Variants in MINDY2 observed in about 807,000 individuals in gnomAD.
The protein encoded by MINDY2 is MINDY lysine 48 deubiquitinase 2.
MINDY2 carries 52 observed loss-of-function variants against 68.2 expected under a neutral mutation model. The observed-to-expected ratio is 0.76, with a 90% CI of 0.61 to 0.96. The LOEUF is 0.96. Ranked by LOEUF, MINDY2 falls within the 40% of genes least tolerant of loss-of-function variation. The probability of loss-of-function intolerance (pLI) is 0.00; values close to 1 mark genes in which losing one functional copy is unlikely to be tolerated. For synonymous variants in MINDY2, 372 were observed against 303.0 expected (o/e 1.23, Z -2.36); for missense variants, 881 against 773.4 (o/e 1.14, Z -1.65).
At chr15:58,776,529 T>C (rs1333651954) in intron 1 of MINDY2, among the ~76,000 whole-genome samples, 2 of 152,210 alleles carry the variant, frequency 1.3e-5, no homozygotes, top group African/African-American at 2.4e-5. Flanking sequence ...TACATTACTA[T>C]TGTCAAATGC....
intron 3 of MINDY2, among the ~76,000 whole-genome samples, chr15:58,804,119 A>C (rs1386409117): frequency 6.6e-6 from 1 of 151,890 alleles, no homozygotes; most frequent in Non-Finnish European, 1.5e-5. Context: ...ACAAAAAAAA[A>C]AGGAGGAGGA....
intron 3 of MINDY2, among the ~76,000 whole-genome samples, chr15:58,806,938 T>C (rs1329640830): frequency 6.6e-6 from 1 of 152,218 alleles, no homozygotes; most frequent in African/African-American, 2.4e-5. Context: ...GACTGCAGTA[T>C]AACAATGTTA....
At chr15:58,807,662 C>CTTTAAA (rs1252036939) in intron 3 of MINDY2, among the ~76,000 whole-genome samples, 5 of 152,112 alleles carry the variant, frequency 3.3e-5, no homozygotes, top group Non-Finnish European at 7.4e-5. Context: ...TGCGCCCGGC[C>CTTTAAA]TAAAATAGTC....
chr15:58,795,448 C>A (rs1290641321), intron 2 of MINDY2, among the ~76,000 whole-genome samples: 1 of 151,980 alleles, frequency 6.6e-6, no homozygotes, highest in East Asian at 1.9e-4. Flanking sequence ...CTCTGTTGCC[C>A]AGGCTGGAGT....
At chr15:58,853,895 A>G (rs1038204629) in intron 8 of MINDY2, among the ~76,000 whole-genome samples, 3 of 152,162 alleles carry the variant, frequency 2.0e-5, no homozygotes, top group African/African-American at 7.2e-5. Flanking sequence ...ATAGTTTATC[A>G]AAAGGTGTCA....
intron 1 of MINDY2, among the ~76,000 whole-genome samples, chr15:58,777,666 G>A (rs1900859978): frequency 6.6e-6 from 1 of 151,930 alleles, no homozygotes; most frequent in Non-Finnish European, 1.5e-5. Context: ...TTGAATAGTT[G>A]AGCTGTGATG....
At chr15:58,826,179 A>G (rs1488469786) in intron 5 of MINDY2, among the ~76,000 whole-genome samples, 1 of 149,104 alleles carries the variant, frequency 6.7e-6, no homozygotes, top group Non-Finnish European at 1.5e-5. Context: ...AAATTTACCA[A>G]TTGTTGATAT....
At chr15:58,814,793 A>G (rs2030564986) in intron 4 of MINDY2, among the ~76,000 whole-genome samples, 1 of 137,038 alleles carries the variant, frequency 7.3e-6, no homozygotes, top group South Asian at 2.3e-4. Flanking sequence ...TTTAATTTTA[A>G]CTTTTTTTTT....
chr15:58,805,903 A>G (rs1567052756), intron 3 of MINDY2, among the ~76,000 whole-genome samples: 1 of 152,094 alleles, frequency 6.6e-6, no homozygotes, highest in Non-Finnish European at 1.5e-5. Flanking sequence ...GTGAAACCCC[A>G]TCTCTACTAA....
chr15:58,842,249 T>C (rs1375580780), intron 6 of MINDY2, among the ~76,000 whole-genome samples: 1 of 152,048 alleles, frequency 6.6e-6, no homozygotes, highest in Non-Finnish European at 1.5e-5. Context: ...TTGAGGTTGG[T>C]TGTTTTGTTG....
chr15:58,790,134 A>G (rs1222991980), intron 2 of MINDY2, among the ~76,000 whole-genome samples: 1 of 152,182 alleles, frequency 6.6e-6, no homozygotes, highest in Non-Finnish European at 1.5e-5. Flanking sequence ...TTCACTGGCT[A>G]GGGACCTCAT....
intron 1 of MINDY2, among the ~76,000 whole-genome samples, chr15:58,780,920 C>T (rs1901094023): frequency 6.6e-6 from 1 of 152,170 alleles, no homozygotes; most frequent in Non-Finnish European, 1.5e-5. Flanking sequence ...ACCCTATTCT[C>T]ATCTTTCAAG....
At chr15:58,782,474 A>G (rs1267690348) in intron 1 of MINDY2, among the ~76,000 whole-genome samples, 2 of 152,208 alleles carry the variant, frequency 1.3e-5, no homozygotes, top group Non-Finnish European at 2.9e-5. Flanking sequence ...ATTTTCTTCT[A>G]CAAACTTAAT....
chr15:58,812,505 A>G (rs2140979119), intron 4 of MINDY2, among the ~76,000 whole-genome samples: 1 of 152,302 alleles, frequency 6.6e-6, no homozygotes, highest in East Asian at 1.9e-4. Context: ...CCCAATGGGA[A>G]AATTTAGTAA....
chr15:58,856,688 A>G lies in MINDY2; in HGVS notation c.*2078A>G, dbSNP rs1405842036. Reference sequence around the variant, plus strand: ...TCAATCCAAGTTTACTCTTGATATCACTCTGTTGGCTGAAGGAGGTAACTC... The same window carrying G: ...TCAATCCAAGTTTACTCTTGATATCGCTCTGTTGGCTGAAGGAGGTAACTC... On this transcript the variant is annotated 3_prime_UTR_variant, in exon 9 of 9. Transcript: ENST00000559228. 1 of 152,132 alleles carries G rather than the reference A, an allele frequency of 6.6e-6. No individual in the cohort carries two copies. The highest frequency in any genetic ancestry group is 1.5e-5 in the Non-Finnish European group (1 of 68,020). 9.4% of individuals were successfully genotyped at this position (152,132 alleles called of 1,614,324 possible). A position where few individuals can be genotyped will look rare whatever the true frequency, so the allele number is the denominator to read the frequency against.
chr15:58,819,474 A>G (rs543998606), intron 4 of MINDY2, among the ~76,000 whole-genome samples: 13 of 152,296 alleles, frequency 8.5e-5, no homozygotes, highest in African/African-American at 3.1e-4. Context: ...CGTGGGTGAC[A>G]GAGCGTGGGA....
intron 6 of MINDY2, among the ~76,000 whole-genome samples, chr15:58,835,528 C>T (rs549994439): frequency 6.6e-6 from 1 of 152,230 alleles, no homozygotes; most frequent in South Asian, 2.1e-4. Flanking sequence ...TGGTGGGTGC[C>T]TGTAATTCCA....
chr15:58,780,979 C>T (rs1248468130), intron 1 of MINDY2, among the ~76,000 whole-genome samples: 1 of 152,104 alleles, frequency 6.6e-6, no homozygotes, highest in African/African-American at 2.4e-5. Flanking sequence ...GGAGATATTT[C>T]AGCCTAGTAA....
intron 3 of MINDY2, among the ~76,000 whole-genome samples, chr15:58,808,284 A>G (rs1249532897): frequency 6.6e-6 from 1 of 152,182 alleles, no homozygotes; most frequent in Non-Finnish European, 1.5e-5. Context: ...GGATTTTGAA[A>G]AATGTATAAT....
Sources: allele counts gnomAD v4.1 joint callset (sites outside exome capture counted in the v4.1 genomes callset), GRCh38; gene constraint gnomAD v4.1.1; transcripts MANE v1.5; gene names NCBI Gene and HGNC (gene_info 2026-07-23, HGNC 2026-07-21).